The following PCDHGA7 variants were observed in gnomAD, a reference collection of about 807,000 sequenced individuals.
PCDHGA7 encodes the protein protocadherin gamma subfamily A, 7, also known as protocadherin gamma-A7.
Under a neutral mutation model 58.3 loss-of-function variants are expected in PCDHGA7, and 44 were observed. That is an observed-to-expected ratio of 0.75 (90% CI 0.59 to 0.97). The LOEUF (loss-of-function observed/expected upper bound fraction) is 0.97. Among genes scored for constraint, PCDHGA7 ranks in the 50% least tolerant of loss-of-function variants. The pLI is 0.00. For missense variants in PCDHGA7, 1,266 were observed against 1,188.7 expected, an observed-to-expected ratio of 1.06 and a Z score of -0.96; for synonymous variants, 516 against 504.2, an observed-to-expected ratio of 1.02 and a Z score of -0.31.
At chr5:141,415,974 C>T (rs2095976813) in intron 1 of PCDHGA7, 1 of 375,644 alleles carries the variant, frequency 2.7e-6, no homozygotes, top group African/African-American at 2.1e-5. Flanking sequence ...GCCCCTTAAG[C>T]AACCCTCTTG....
At position 141,485,561 on chromosome 5, in the gene PCDHGA7, GCCC is replaced by G; in HGVS notation, c.2425-9242_2425-9240del. ...AGAGATCGTAGATGTGAATGATCAC[GCCC>G]CCCGTTTTCCGCGGCAGCAGCTGGA... On this transcript the variant is annotated intron_variant, in intron 1 of 3. Transcript: ENST00000518325. This position sits in a 1 kb window ranked among gnomAD's most constrained non-coding sequence, Gnocchi z 5.7. 1 of 1,613,008 alleles carries G rather than the reference GCCC, an allele frequency of 6.2e-7. No homozygotes were observed.
rs756252337 is a variant in PCDHGA7, at chr5:141,413,183, C to T, written c.2424+27860C>T. The T allele has an allele frequency of 3.7e-6, 6 of 1,605,222 alleles. No individual in the cohort carries two copies. The Admixed American group carries it at 1.0e-4, about 27-fold the overall frequency. Reference sequence around the variant, plus strand: ...TTCTGTAACCAGACTACAATGGCCGCTCAAAGGAATCGCTCAAAGGAATCA... The same window carrying T: ...TTCTGTAACCAGACTACAATGGCCGTTCAAAGGAATCGCTCAAAGGAATCA... On this transcript the variant is annotated intron_variant, in intron 1 of 3. Transcript: ENST00000518325.
intron 3 of PCDHGA7, among the ~76,000 whole-genome samples, chr5:141,509,815 TCTC>T (rs1596250992): frequency 6.6e-6 from 1 of 152,226 alleles, no homozygotes; most frequent in East Asian, 1.9e-4. Flanking sequence ...GCCGAGCTCT[TCTC>T]CATCTTCTCT....
chr5:141,397,919 C>T (rs1158998805), intron 1 of PCDHGA7: 12 of 723,342 alleles, frequency 1.7e-5, no homozygotes, highest in Non-Finnish European at 2.2e-5. Context: ...TCCAGATCTC[C>T]TCGCGCAGCC....
Position 141,384,177 on chromosome 5 carries a change from TG to T in PCDHGA7, c.1280del (p.Gly427ValfsTer47). ...ATAACATCACACTGAAAGCCACAGA[TG>T]GTGGAACTCCTCCCTTGTCCAGGGA... The part of the protein sequence containing the change: ...LYNITLKATD[G>X]GTPPLSRETH... On this transcript the variant is annotated frameshift_variant, in exon 1 of 4. Transcript: ENST00000518325. LOFTEE classifies it high-confidence loss of function. 6.2e-7 allele frequency: 1 copy of T among 1,613,838 alleles called. No homozygotes were observed. The highest frequency in any genetic ancestry group is 1.1e-5 in the South Asian group (1 of 91,072).
At chr5:141,478,670 C>T (rs1413742587) in intron 1 of PCDHGA7, 28 of 1,551,664 alleles carry the variant, frequency 1.8e-5, no homozygotes, top group Non-Finnish European at 2.4e-5. Flanking sequence ...TTCACACTTT[C>T]AACTGGCCCT....
At chr5:141,492,954 A>G (rs2099745299) in intron 1 of PCDHGA7, among the ~76,000 whole-genome samples, 1 of 152,212 alleles carries the variant, frequency 6.6e-6, no homozygotes, top group Non-Finnish European at 1.5e-5. Context: ...TGACCAAACT[A>G]TCTGACACTC....
At chr5:141,430,925 C>G (rs1313621122) in intron 1 of PCDHGA7, 2 of 1,607,162 alleles carry the variant, frequency 1.2e-6, no homozygotes, top group Non-Finnish European at 8.5e-7. Context: ...GGGGCTGGAG[C>G]CCCGGGAGCT....
At position 141,408,137 on chromosome 5, in the gene PCDHGA7, T is replaced by C; in HGVS notation, c.2424+22814T>C. ...CTCCTGTCCTGGGCCGAATGCTCTT[T>C]TAGCGCGGTAGAGTGCACTTTCTCC... On this transcript the variant is annotated intron_variant, in intron 1 of 3. Coordinates refer to ENST00000518325, the MANE Select transcript of PCDHGA7 (RefSeq NM_018920.4). 4.0e-6 allele frequency: 6 copies of C among 1,488,870 alleles called. No individual in the cohort carries two copies. The South Asian group carries it at 8.2e-5, about 20-fold the overall frequency. 92.2% of individuals were successfully genotyped at this position (1,488,870 alleles called of 1,614,324 possible).
rs756966401 is a variant in PCDHGA7, at chr5:141,393,451, C to T, written c.2424+8128C>T. The T allele has an allele frequency of 5.0e-6, 8 of 1,614,058 alleles. No homozygotes were observed. In the South Asian group the frequency reaches 6.6e-5, roughly 13 times the overall value. On this transcript the variant is annotated intron_variant, in intron 1 of 3. Transcript: ENST00000518325. The stretch of plus-strand genomic sequence containing the variant: ...GAGGCTGCTCACCACCTGGTCCTCA[C>T]GGCCTCGGATGGCGGCAAGCCGCCT...
chr5:141,465,448 A>G (rs2099103302), intron 1 of PCDHGA7, among the ~76,000 whole-genome samples: 2 of 152,192 alleles, frequency 1.3e-5, no homozygotes, highest in Admixed American at 1.3e-4. Flanking sequence ...TTACCCAAGA[A>G]AACTCTCACC....
At chr5:141,453,909 T>C (rs1484310834) in intron 1 of PCDHGA7, among the ~76,000 whole-genome samples, 1 of 152,236 alleles carries the variant, frequency 6.6e-6, no homozygotes, top group Non-Finnish European at 1.5e-5. Flanking sequence ...TTTCAAAGTA[T>C]GTCAGTGATC....
intron 1 of PCDHGA7, chr5:141,415,649 A>T: frequency 1.9e-6 from 3 of 1,597,710 alleles, no homozygotes; most frequent in Non-Finnish European, 2.6e-6. Context: ...GTTAAAAAAA[A>T]AAAGATTGGT....
At chr5:141,393,227 A>G (rs1389818557) in intron 1 of PCDHGA7, 1 of 1,613,740 alleles carries the variant, frequency 6.2e-7, no homozygotes, top group Non-Finnish European at 8.5e-7. Context: ...TCGAAGATCT[A>G]GAAGTAAAAA....
rs1310685846 is a variant in PCDHGA7, at chr5:141,423,037, T to C, written c.2424+37714T>C. ...GGACAAAGATTCAGGCCAGAACGCCTGGCTGTCCTATCGCCTGCTTAAGGC... is the reference window on the plus strand; with the variant it reads ...GGACAAAGATTCAGGCCAGAACGCCCGGCTGTCCTATCGCCTGCTTAAGGC... On this transcript the variant is annotated intron_variant, in intron 1 of 3. Transcript: ENST00000518325. 5 of 1,614,086 alleles carry C rather than the reference T, an allele frequency of 3.1e-6. No homozygotes were observed. In the African/African-American group the frequency reaches 5.3e-5, roughly 17 times the overall value.
In PCDHGA7 at chr5:141,477,486, C is replaced by T. The variant is rs1472326209; in HGVS notation, c.2425-17321C>T. On this transcript the variant is annotated intron_variant, in intron 1 of 3. Coordinates refer to ENST00000518325, the MANE Select transcript of PCDHGA7 (RefSeq NM_018920.4). This position sits in a 1 kb window ranked among gnomAD's most constrained non-coding sequence, Gnocchi z 4.9. ...GACATCAATGACAACCCTCCACAATCTTCTCAATCTTCCTACGACGTTTAC... is the reference window on the plus strand; with the variant it reads ...GACATCAATGACAACCCTCCACAATTTTCTCAATCTTCCTACGACGTTTAC... 6.2e-7 allele frequency: 1 copy of T among 1,614,052 alleles called. No individual in the cohort carries two copies. The highest frequency in any genetic ancestry group is 1.3e-5 in the African/African-American group (1 of 74,914).
At chr5:141,430,425 A>G (rs1298131518) in intron 1 of PCDHGA7, among the ~76,000 whole-genome samples, 3 of 152,076 alleles carry the variant, frequency 2.0e-5, no homozygotes, top group Non-Finnish European at 4.4e-5. Context: ...TAAAGCGAAT[A>G]CGGTAGATTT....
At chr5:141,427,198 T>G (rs1345851173) in intron 1 of PCDHGA7, 1 of 456,584 alleles carries the variant, frequency 2.2e-6, no homozygotes, top group African/African-American at 2.0e-5. Flanking sequence ...AAAGACTTAA[T>G]AGACTTCGAA....
chr5:141,455,107 C>T (rs1027661420), intron 1 of PCDHGA7, among the ~76,000 whole-genome samples: 20 of 151,774 alleles, frequency 1.3e-4, no homozygotes, highest in Non-Finnish European at 2.4e-4. Context: ...CCACTGCGCC[C>T]GGTGGGTCTA....
Sources: gnomAD v4.1 joint callset for allele counts (sites outside exome capture counted in the v4.1 genomes callset) on GRCh38, gnomAD v4.1.1 for gene constraint, Gnocchi (gnomAD v3.1) non-coding constraint, MANE v1.5 for transcripts, NCBI Gene and HGNC (gene_info 2026-07-23, HGNC 2026-07-21) for gene names.